JAKMIP2: variants seen among roughly 807,000 people sequenced by gnomAD.
JAKMIP2 encodes the protein janus kinase and microtubule interacting protein 2.
In JAKMIP2, 25 loss-of-function variants were observed where a neutral mutation model predicts 115.0. The ratio of observed to expected loss-of-function variants is 0.22; its 90% confidence interval spans 0.16 to 0.30. The LOEUF (loss-of-function observed/expected upper bound fraction) is 0.30. Among genes scored for constraint, JAKMIP2 ranks in the 10% least tolerant of loss-of-function variants. JAKMIP2 has a pLI of 1.00. For synonymous variants in JAKMIP2, 334 were observed against 343.6 expected (o/e 0.97, Z 0.31); for missense variants, 642 against 957.6 (o/e 0.67, Z 4.35).
chr5:147,620,775 C>T, intron 17 of JAKMIP2, 32 bp from the exon 18 acceptor site: 2 of 1,486,538 alleles, frequency 1.3e-6, no homozygotes, highest in Non-Finnish European at 9.4e-7. Context: ...ATAGAGTCAG[C>T]TTAGTTAACT....
chr5:147,698,306 T>C (rs1192164098), intron 1 of JAKMIP2, among the ~76,000 whole-genome samples: 20 of 152,208 alleles, frequency 1.3e-4, no homozygotes, highest in African/African-American at 4.8e-4. Flanking sequence ...CTTTTGATTT[T>C]ATAGGATCAT....
At chr5:147,774,980 G>C (rs750740158) in intron 1 of JAKMIP2, among the ~76,000 whole-genome samples, 11 of 152,118 alleles carry the variant, frequency 7.2e-5, no homozygotes, top group Non-Finnish European at 1.2e-4. Flanking sequence ...AAATTTGTCA[G>C]ATTTAGTTTT....
chr5:147,764,938 G>GAAAGAAA (rs1561582448), intron 1 of JAKMIP2, among the ~76,000 whole-genome samples: 2 of 93,948 alleles, frequency 2.1e-5, no homozygotes, highest in East Asian at 3.8e-4. Flanking sequence ...GAGAGAGAGA[G>GAAAGAAA]AGAGAGAGGG....
intron 1 of JAKMIP2, among the ~76,000 whole-genome samples, chr5:147,722,837 A>C (rs1474167896): frequency 6.6e-6 from 1 of 151,582 alleles, no homozygotes; most frequent in African/African-American, 2.4e-5. Context: ...TTAGAGATAG[A>C]AAAGAAAGTT....
chr5:147,641,854 G>A lies in JAKMIP2; in HGVS notation c.1225-90C>T, dbSNP rs1581340759. ...AAGACAGAGTGTTCTTTCCCATAAG[G>A]CATTATATTTGGAATAGAATAAGAC... On this transcript the variant is annotated intron_variant, in intron 7 of 21. Transcript: ENST00000616793. The A allele has an allele frequency of 1.3e-5, 14 of 1,067,248 alleles. No individual in the cohort carries two copies. In the East Asian group the frequency reaches 3.3e-4, roughly 25 times the overall value. The allele number at this position is 1,067,248 out of a possible 1,614,324, so 66.1% of individuals were successfully genotyped here.
chr5:147,766,333 T>G (rs1211715206), intron 1 of JAKMIP2, among the ~76,000 whole-genome samples: 2 of 152,224 alleles, frequency 1.3e-5, no homozygotes, highest in Non-Finnish European at 2.9e-5. Flanking sequence ...TGTAGAATTT[T>G]TTTTTGCTTG....
chr5:147,637,659 C>T (rs533464353), intron 10 of JAKMIP2, among the ~76,000 whole-genome samples: 11 of 151,986 alleles, frequency 7.2e-5, no homozygotes, highest in African/African-American at 2.4e-4. Context: ...TGGCTGGTCT[C>T]GAACTCCTGA....
chr5:147,673,947 T>A lies in JAKMIP2; in HGVS notation c.-148-1993A>T, dbSNP rs988597190. Among the ~76,000 whole-genome samples, 3 of 152,194 alleles carry A rather than the reference T, an allele frequency of 2.0e-5. 1 individual carries two copies. Among genetic ancestry groups the A allele is most frequent in the Non-Finnish European group, 2.9e-5 (2 of 68,044 alleles). On this transcript the variant is annotated intron_variant, in intron 1 of 21. Coordinates refer to ENST00000616793, the MANE Select transcript of JAKMIP2 (RefSeq NM_001270941.2). ...TACGTAGTTATGACCCACAGTTCTA[T>A]ATCCACAGCCCCGACCATTATGCAA...
At chr5:147,643,993 TG>T in intron 7 of JAKMIP2, 64 bp downstream of exon 7, 1 of 1,343,632 alleles carries the variant, frequency 7.4e-7, no homozygotes. Context: ...CTGCTTTCAG[TG>T]TATATTTTGT....
intron 1 of JAKMIP2, among the ~76,000 whole-genome samples, chr5:147,730,365 C>G (rs1753680933): frequency 6.6e-6 from 1 of 152,150 alleles, no homozygotes; most frequent in Non-Finnish European, 1.5e-5. Flanking sequence ...AAGCCTCCAC[C>G]CTCAACATCT....
At chr5:147,690,587 A>G (rs148580973) in intron 1 of JAKMIP2, among the ~76,000 whole-genome samples, 9,731 of 137,698 alleles carry the variant, frequency 0.071, 476 homozygotes, top group Middle Eastern at 0.15. Flanking sequence ...ATATATATGC[A>G]CATATGCACA....
rs1163186883 is a variant in JAKMIP2 at position 147,640,590 on chromosome 5, ATCACT to A, written c.1401+109_1401+113del. 24 of 1,073,902 alleles carry A rather than the reference ATCACT, an allele frequency of 2.2e-5. No individual in the cohort carries two copies. In the African/African-American group the frequency reaches 3.7e-4, roughly 16 times the overall value. 66.5% of individuals were successfully genotyped at this position (1,073,902 alleles called of 1,614,324 possible). A position where few individuals can be genotyped will look rare whatever the true frequency, so the allele number is the denominator to read the frequency against. The stretch of plus-strand genomic sequence containing the variant: ...CCTCAAAATTGTTTACTATTATGAG[ATCACT>A]TTGTGCTGTTTATATAAAGGAGATG... On this transcript the variant is annotated intron_variant, in intron 9 of 21. Transcript: ENST00000616793.
At chr5:147,696,100 T>C (rs908734936) in intron 1 of JAKMIP2, among the ~76,000 whole-genome samples, 2 of 152,182 alleles carry the variant, frequency 1.3e-5, no homozygotes, top group African/African-American at 4.8e-5. Context: ...TTGGACAAAA[T>C]TTAGTAAACA....
intron 21 of JAKMIP2, chr5:147,594,265 T>C (rs1035346597): frequency 3.9e-6 from 1 of 256,710 alleles, no homozygotes; most frequent in Non-Finnish European, 8.4e-6. Flanking sequence ...AGTGCTACAA[T>C]TTAGTTTCCT....
rs151015424 is a variant in JAKMIP2, at chr5:147,750,561, TAC to T, written c.-149+31893_-149+31894del. On this transcript the variant is annotated intron_variant, in intron 1 of 21. Coordinates refer to ENST00000616793, the MANE Select transcript of JAKMIP2 (RefSeq NM_001270941.2). ...AGATATCACTCATGGTGCCAGAAAATACACACACACACACACACACACACACA... is the reference window on the plus strand; with the variant it reads ...AGATATCACTCATGGTGCCAGAAAATACACACACACACACACACACACACA... Among the ~76,000 whole-genome samples the T allele has an allele frequency of 9.3e-3, 1,331 of 142,536 alleles. 14 individuals carry two copies. Among genetic ancestry groups the T allele is most frequent in the African/African-American group, 0.022 (847 of 38,732 alleles). The allele number at this position is 142,536 out of a possible 152,430, so 93.5% of individuals were successfully genotyped here. A position where few individuals can be genotyped will look rare whatever the true frequency, so the allele number is the denominator to read the frequency against.
At chr5:147,761,152 A>C (rs1754916454) in intron 1 of JAKMIP2, among the ~76,000 whole-genome samples, 1 of 152,122 alleles carries the variant, frequency 6.6e-6, no homozygotes, top group South Asian at 2.1e-4. Context: ...CTTCTAAATC[A>C]AGGTGTTCCC....
chr5:147,739,332 A>T (rs1754052117), intron 1 of JAKMIP2, among the ~76,000 whole-genome samples: 1 of 152,126 alleles, frequency 6.6e-6, no homozygotes, highest in Non-Finnish European at 1.5e-5. Context: ...AATATGTGAG[A>T]TTCCCCACAC....
chr5:147,620,846 C>A, intron 17 of JAKMIP2, 103 bp from the exon 18 acceptor site: 1 of 811,366 alleles, frequency 1.2e-6, no homozygotes, highest in Non-Finnish European at 2.0e-6. Context: ...TAAGACAAAT[C>A]ACTAGTATTT....
chr5:147,633,216 C>A (rs1264338260), intron 12 of JAKMIP2, among the ~76,000 whole-genome samples: 1 of 152,172 alleles, frequency 6.6e-6, no homozygotes, highest in Non-Finnish European at 1.5e-5. Context: ...TCAATTACTA[C>A]AGAAGAAACC....
Sources: allele counts gnomAD v4.1 joint callset (sites outside exome capture counted in the v4.1 genomes callset), GRCh38; gene constraint gnomAD v4.1.1; transcripts MANE v1.5; gene names NCBI Gene and HGNC (gene_info 2026-07-23, HGNC 2026-07-21).